The following NEDD9 variants were observed in gnomAD, a reference collection of about 807,000 sequenced individuals.
NEDD9 encodes the protein neural precursor cell expressed, developmentally down-regulated 9.
NEDD9 carries 26 observed loss-of-function variants against 76.6 expected under a neutral mutation model. The ratio of observed to expected loss-of-function variants is 0.34; its 90% CI spans 0.25 to 0.47. The LOEUF (loss-of-function observed/expected upper bound fraction) is 0.47, where lower values mean the gene tolerates loss of function less well. NEDD9 is among the 20% of genes least tolerant of loss of function. NEDD9 has a pLI of 1.00. For synonymous variants in NEDD9, 392 were observed against 414.2 expected, an observed-to-expected ratio of 0.95 and a Z score of 0.65; for missense variants, 937 against 1,058.5, an observed-to-expected ratio of 0.89 and a Z score of 1.59.
intron 3 of NEDD9, among the ~76,000 whole-genome samples, chr6:11,283,800 C>G (rs541960359): frequency 1.3e-5 from 2 of 152,248 alleles, no homozygotes; most frequent in South Asian, 2.1e-4. Flanking sequence ...AAATGGATTT[C>G]CAATTAGACA....
chr6:11,343,329 T>C (rs1379592105), intron 1 of NEDD9, among the ~76,000 whole-genome samples: 1 of 151,854 alleles, frequency 6.6e-6, no homozygotes, highest in Admixed American at 6.6e-5. Flanking sequence ...CTCAGGAGGC[T>C]GAGGCAGGAG....
chr6:11,231,666 C>T (rs1219670344), intron 1 of NEDD9, among the ~76,000 whole-genome samples: 3 of 152,030 alleles, frequency 2.0e-5, no homozygotes, highest in Non-Finnish European at 2.9e-5. Flanking sequence ...TCTTTGTGTC[C>T]CCTGGAAGCT....
intron 2 of NEDD9, among the ~76,000 whole-genome samples, chr6:11,312,417 T>C (rs760194298): frequency 2.0e-4 from 30 of 152,154 alleles, no homozygotes; most frequent in Non-Finnish European, 3.5e-4. Context: ...GCAGTGCTCT[T>C]GTACCTCTCC....
chr6:11,330,568 T>G (rs1762014488), intron 2 of NEDD9, among the ~76,000 whole-genome samples: 1 of 152,126 alleles, frequency 6.6e-6, no homozygotes, highest in Admixed American at 6.5e-5. Flanking sequence ...TGGAAGCCAA[T>G]CACTCAGCAT....
chr6:11,192,719 G>T (rs971640940), intron 3 of NEDD9, among the ~76,000 whole-genome samples: 10 of 151,490 alleles, frequency 6.6e-5, no homozygotes, highest in Non-Finnish European at 1.0e-4. Flanking sequence ...CAGATCACAA[G>T]GTCAAGAAAT....
intron 2 of NEDD9, among the ~76,000 whole-genome samples, chr6:11,333,876 T>C (rs1000898525): frequency 6.6e-6 from 1 of 152,218 alleles, no homozygotes; most frequent in South Asian, 2.1e-4. Flanking sequence ...GAATGTAACA[T>C]ATATTCACAG....
At chr6:11,341,278 C>A (rs906941415) in intron 1 of NEDD9, among the ~76,000 whole-genome samples, 2 of 152,124 alleles carry the variant, frequency 1.3e-5, no homozygotes, top group African/African-American at 4.8e-5. Context: ...TGAGGTGAGC[C>A]CCACAGTAGT....
intron 2 of NEDD9, among the ~76,000 whole-genome samples, chr6:11,327,653 A>T (rs1396739671): frequency 6.6e-6 from 1 of 152,218 alleles, no homozygotes; most frequent in Non-Finnish European, 1.5e-5. Flanking sequence ...GAGAAAGACG[A>T]TGGAAAGTGA....
chr6:11,329,220 A>C lies in NEDD9; in HGVS notation c.-153+5281T>G, dbSNP rs143237248. Among the ~76,000 whole-genome samples the C allele has an allele frequency of 9.7e-4, 148 of 152,338 alleles. 1 individual carries two copies. The highest frequency in any genetic ancestry group is 3.4e-3 in the African/African-American group (141 of 41,586). On this transcript the variant is annotated intron_variant, in intron 2 of 3. Coordinates refer to the NEDD9 transcript ENST00000397378. Reference sequence around the variant, plus strand: ...ACATCTTTATGACTTTGGTCCTGGGAAGAGAGACCCGGCTTGGGATTAGAA... The same window carrying C: ...ACATCTTTATGACTTTGGTCCTGGGCAGAGAGACCCGGCTTGGGATTAGAA...
chr6:11,313,028 G>T (rs1408674604), intron 2 of NEDD9, among the ~76,000 whole-genome samples: 2 of 152,280 alleles, frequency 1.3e-5, no homozygotes, highest in East Asian at 1.9e-4. Flanking sequence ...TTTTTCAAGT[G>T]CAGGACCCCT....
chr6:11,296,112 G>A (rs1055730164), intron 3 of NEDD9, among the ~76,000 whole-genome samples: 5 of 152,238 alleles, frequency 3.3e-5, no homozygotes, highest in South Asian at 2.1e-4. Context: ...AGACCACACA[G>A]GGAGAAGATG....
At chr6:11,244,174 G>A (rs1336728333) in intron 3 of NEDD9, among the ~76,000 whole-genome samples, 1 of 152,080 alleles carries the variant, frequency 6.6e-6, no homozygotes, top group Non-Finnish European at 1.5e-5. Context: ...TCTTCCCAGG[G>A]TCCACATGCT....
At chr6:11,333,624 A>G (rs1393316851) in intron 2 of NEDD9, among the ~76,000 whole-genome samples, 2 of 151,772 alleles carry the variant, frequency 1.3e-5, no homozygotes, top group African/African-American at 2.4e-5. Flanking sequence ...CTGGAGAGGG[A>G]CTCCCTCCTG....
In NEDD9 at chr6:11,213,316, T is replaced by G. The variant is rs776311838; in HGVS notation, c.424A>C (p.Ile142Leu). The change falls in exon 2 of 7, where the codon ATT becomes CTT. Residue 142 changes from isoleucine (I) to leucine (L), a missense_variant. Physicochemically the swap from Ile to Leu is conservative, Grantham distance 5. Transcript: ENST00000379446. This position sits in a 1 kb window ranked among gnomAD's most constrained non-coding sequence, Gnocchi z 5.4. ...ACGTGGGGCCCACTGGTTCCCCCAA[T>G]GCTTCTCTGCACTGATGGTGGCACC... is the stretch of plus-strand genomic sequence containing the variant. ...YQVPPSVQRS[I>L]GGTSGPHVGK... 1.2e-6 allele frequency: 2 copies of G among 1,612,118 alleles called. No homozygotes were observed. Among genetic ancestry groups the G allele is most frequent in the Admixed American group, 3.3e-5 (2 of 59,980 alleles).
At chr6:11,325,035 G>A (rs1311049317) in intron 2 of NEDD9, among the ~76,000 whole-genome samples, 7 of 152,174 alleles carry the variant, frequency 4.6e-5, no homozygotes, top group African/African-American at 1.7e-4. Context: ...TTGTCAGTAA[G>A]CCAAAGGTAG....
Position 11,257,775 on chromosome 6 carries a change from C to CTGTGTGTGTGTGTGTGTG in NEDD9, c.13-44066_13-44049dup, listed in dbSNP as rs3067253. 6.6e-3 allele frequency among the ~76,000 whole-genome samples: 951 copies of CTGTGTGTGTGTGTGTGTG among 143,042 alleles called. 21 individuals carry two copies. The highest frequency in any genetic ancestry group is 0.023 in the African/African-American group (839 of 37,224). The allele number at this position is 143,042 out of a possible 152,430, so 93.8% of individuals were successfully genotyped here. On this transcript the variant is annotated intron_variant, in intron 3 of 3. Coordinates refer to the NEDD9 transcript ENST00000397378. ...CAGAGTGACAGAAACAATGTAGATT[C>CTGTGTGTGTGTGTGTGTG]TGTGTGTGTGTGTGTGTGTGTGTGT...
At chr6:11,310,851 A>G (rs1028602664) in intron 2 of NEDD9, among the ~76,000 whole-genome samples, 1 of 152,174 alleles carries the variant, frequency 6.6e-6, no homozygotes, top group African/African-American at 2.4e-5. Context: ...GCCCTCTGAA[A>G]TGAACTTCCT....
chr6:11,355,874 C>T (rs1339695161), intron 1 of NEDD9, among the ~76,000 whole-genome samples: 5 of 150,456 alleles, frequency 3.3e-5, no homozygotes. Context: ...GCACCCGCCA[C>T]CACGCCCGGC....
chr6:11,295,271 T>A (rs1760864100), intron 3 of NEDD9, among the ~76,000 whole-genome samples: 1 of 152,222 alleles, frequency 6.6e-6, no homozygotes, highest in South Asian at 2.1e-4. Flanking sequence ...TTAGCCAGAT[T>A]ATGTTTTATT....
Sources: allele counts gnomAD v4.1 joint callset (sites outside exome capture counted in the v4.1 genomes callset), GRCh38; gene constraint gnomAD v4.1.1; non-coding constraint Gnocchi (gnomAD v3.1); transcripts MANE v1.5; gene names NCBI Gene and HGNC (gene_info 2026-07-23, HGNC 2026-07-21).